The following UBL3 variants were observed in gnomAD, a reference collection of about 807,000 sequenced individuals.
UBL3 encodes ubiquitin like 3.
UBL3 carries 6 observed loss-of-function variants against 18.4 expected under a neutral mutation model. The ratio of observed to expected loss-of-function variants is 0.33; its 90% CI spans 0.18 to 0.64. UBL3 has a LOEUF of 0.64. Ranked by LOEUF, UBL3 falls within the 30% of genes least tolerant of loss-of-function variation. The pLI, the probability that UBL3 is intolerant of heterozygous loss-of-function variation, is 0.76. For synonymous variants in UBL3, 49 were observed against 46.6 expected (o/e 1.05, Z -0.21); for missense variants, 109 against 142.9 (o/e 0.76, Z 1.21).
chr13:29,817,385 T>A (rs551593881), intron 1 of UBL3, among the ~76,000 whole-genome samples: 2 of 152,308 alleles, frequency 1.3e-5, no homozygotes, highest in Admixed American at 6.5e-5. Context: ...ATTTTTTAAA[T>A]GAATTAAGCC....
intron 1 of UBL3, among the ~76,000 whole-genome samples, chr13:29,835,138 ATATATATATATATATAT>A (rs1878915308): frequency 1.1e-4 from 1 of 9,484 alleles, no homozygotes; most frequent in Non-Finnish European, 1.9e-4. Context: ...ATATATATAT[ATATATATATATATATAT>A]ATATATATAT....
At chr13:29,771,964 T>A (rs931076727) in intron 3 of UBL3, 148 bp downstream of exon 3, 5 of 645,304 alleles carry the variant, frequency 7.7e-6, no homozygotes, top group Non-Finnish European at 1.3e-5. Context: ...ATATACAATG[T>A]GAAGGAGTAG....
intron 1 of UBL3, among the ~76,000 whole-genome samples, chr13:29,828,026 G>A (rs928355073): frequency 2.0e-5 from 3 of 152,210 alleles, no homozygotes; most frequent in Non-Finnish European, 2.9e-5. Flanking sequence ...CTTCTGGCTT[G>A]TAGAGTTTCT....
At chr13:29,824,004 A>T (rs1878550380) in intron 1 of UBL3, among the ~76,000 whole-genome samples, 1 of 152,112 alleles carries the variant, frequency 6.6e-6, no homozygotes, top group African/African-American at 2.4e-5. Context: ...GATGGTTTCC[A>T]GCTTCATCCA....
intron 2 of UBL3, among the ~76,000 whole-genome samples, chr13:29,772,672 G>A (rs1374642571): frequency 6.6e-6 from 1 of 151,934 alleles, no homozygotes; most frequent in African/African-American, 2.4e-5. Flanking sequence ...CAAAAAAACT[G>A]TTTACTTTTG....
intron 1 of UBL3, among the ~76,000 whole-genome samples, chr13:29,805,846 C>T (rs1877884762): frequency 6.6e-6 from 1 of 152,170 alleles, no homozygotes; most frequent in African/African-American, 2.4e-5. Flanking sequence ...TATGGCATTA[C>T]AAATGCCATT....
At chr13:29,835,135 T>TAA (rs1878913159) in intron 1 of UBL3, among the ~76,000 whole-genome samples, 3 of 6,548 alleles carry the variant, frequency 4.6e-4, no homozygotes, top group Admixed American at 3.3e-3. Flanking sequence ...AATATATATA[T>TAA]ATATATATAT....
chr13:29,849,412 A>T, intron 1 of UBL3, 100 bp downstream of exon 1: 2 of 1,550,098 alleles, frequency 1.3e-6, no homozygotes. Flanking sequence ...TGGCTTTTCG[A>T]CAGTCCCCAG....
chr13:29,782,693 G>A (rs1186149605), intron 1 of UBL3, among the ~76,000 whole-genome samples: 1 of 152,060 alleles, frequency 6.6e-6, no homozygotes, highest in Non-Finnish European at 1.5e-5. Flanking sequence ...ACAAAAAGCA[G>A]GTTAAGATTT....
At chr13:29,849,225 C>A (rs535439851) in intron 1 of UBL3, among the ~76,000 whole-genome samples, 1 of 152,182 alleles carries the variant, frequency 6.6e-6, no homozygotes, top group African/African-American at 2.4e-5. Context: ...TGTTCGGAGG[C>A]TTCTAGCGAA....
intron 1 of UBL3, among the ~76,000 whole-genome samples, chr13:29,831,339 C>T (rs1461033821): frequency 6.6e-6 from 1 of 152,080 alleles, no homozygotes. Flanking sequence ...CCTGTAATCC[C>T]AGCACTTTGG....
rs567345801 is a variant in UBL3 at position 29,769,581 on chromosome 13, A to C, written c.224-1886T>G. On this transcript the variant is annotated intron_variant, in intron 3 of 4. Coordinates refer to ENST00000380680, the MANE Select transcript of UBL3 (RefSeq NM_007106.4). ...GGGCATGCAGAAATCTGCATTTTAA[A>C]ATAAGTATCCTAGATGAGTCTCATG... is the stretch of plus-strand genomic sequence containing the variant. Among the ~76,000 whole-genome samples, 3 of 152,162 alleles carry C rather than the reference A, an allele frequency of 2.0e-5. No individual in the cohort carries two copies. The South Asian group carries it at 6.2e-4, about 32-fold the overall frequency.
chr13:29,805,626 T>C (rs1352243580), intron 1 of UBL3, among the ~76,000 whole-genome samples: 1 of 152,238 alleles, frequency 6.6e-6, no homozygotes, highest in African/African-American at 2.4e-5. Context: ...TTTGGCTTAA[T>C]TATAACTTGC....
At chr13:29,803,062 C>A (rs1877811940) in intron 1 of UBL3, among the ~76,000 whole-genome samples, 1 of 152,152 alleles carries the variant, frequency 6.6e-6, no homozygotes. Context: ...AGAGAAGAGG[C>A]AGGTCACTTA....
chr13:29,780,367 A>AAAAAATAT (rs1359464345), intron 1 of UBL3, among the ~76,000 whole-genome samples: 12 of 103,292 alleles, frequency 1.2e-4, no homozygotes, highest in African/African-American at 4.4e-4. Context: ...AAAAAAAAAA[A>AAAAAATAT]ATATATATAT....
intron 1 of UBL3, among the ~76,000 whole-genome samples, chr13:29,785,181 C>T (rs1001060469): frequency 6.6e-6 from 1 of 152,174 alleles, no homozygotes; most frequent in Admixed American, 6.5e-5. Context: ...GCTAGAATTA[C>T]AGGCATGAGC....
chr13:29,802,224 G>A (rs1014289721), intron 1 of UBL3, among the ~76,000 whole-genome samples: 1 of 152,152 alleles, frequency 6.6e-6, no homozygotes, highest in Admixed American at 6.5e-5. Flanking sequence ...GTGAAACCAA[G>A]GACAAGAACT....
intron 1 of UBL3, among the ~76,000 whole-genome samples, chr13:29,788,551 T>C (rs1296575855): frequency 6.6e-6 from 1 of 152,210 alleles, no homozygotes; most frequent in Non-Finnish European, 1.5e-5. Flanking sequence ...AGACTCCTCC[T>C]ATTTCTTTCT....
At chr13:29,817,411 AAT>A (rs1878310428) in intron 1 of UBL3, among the ~76,000 whole-genome samples, 1 of 152,172 alleles carries the variant, frequency 6.6e-6, no homozygotes, top group Non-Finnish European at 1.5e-5. Context: ...GGTTTGCTCC[AAT>A]GTTTTAATCA....
Sources: gnomAD v4.1 joint callset for allele counts (sites outside exome capture counted in the v4.1 genomes callset) on GRCh38, gnomAD v4.1.1 for gene constraint, MANE v1.5 for transcripts, NCBI Gene and HGNC (gene_info 2026-07-23, HGNC 2026-07-21) for gene names.